Variants in FAAH2 observed in about 807,000 individuals in gnomAD.
FAAH2 encodes the protein fatty-acid amide hydrolase 2.
FAAH2 carries 60 observed loss-of-function variants against 36.9 expected under a neutral mutation model. The ratio of observed to expected loss-of-function variants is 1.63; its 90% CI spans 1.32 to 2.02. The LOEUF (loss-of-function observed/expected upper bound fraction) is 2.02. FAAH2 is among the 30% of genes most tolerant of loss of function. The pLI is 0.00. For missense variants in FAAH2, 689 were observed against 397.5 expected (o/e 1.73, Z -6.23); for synonymous variants, 214 against 143.8 (o/e 1.49, Z -3.49).
At chrX:57,204,859 G>A in the FAAH2 span, among the ~76,000 whole-genome samples, 2 of 112,180 alleles carry the variant, frequency 1.8e-5, no homozygotes, top group South Asian at 3.7e-4. Context: ...TTCTACTGTG[G>A]CATGTCCTTG....
At chrX:57,177,530 G>T in the FAAH2 span, among the ~76,000 whole-genome samples, 1 of 95,452 alleles carries the variant, frequency 1.0e-5, no homozygotes, top group Non-Finnish European at 2.1e-5. Flanking sequence ...GGGTCGGTTC[G>T]GGAGCAACAA....
intron 8 of FAAH2, among the ~76,000 whole-genome samples, chrX:57,440,245 C>T (rs757614378): frequency 4.5e-5 from 5 of 111,500 alleles, no homozygotes; most frequent in African/African-American, 1.3e-4. Context: ...ATGGAATCTT[C>T]TTCTATTTGT....
At chrX:57,435,053 T>A in intron 8 of FAAH2, among the ~76,000 whole-genome samples, 1 of 111,813 alleles carries the variant, frequency 8.9e-6, no homozygotes, top group Non-Finnish European at 1.9e-5. Flanking sequence ...AGAAATAAAG[T>A]CTTTTCCAGA....
chrX:57,395,061 G>T, intron 7 of FAAH2: 1 of 553,662 alleles, frequency 1.8e-6, no homozygotes, highest in South Asian at 2.3e-5. Flanking sequence ...TCCTTTTCAG[G>T]TGCAATAGCA....
intron 8 of FAAH2, among the ~76,000 whole-genome samples, chrX:57,436,092 A>T (rs1366990236): frequency 9.0e-6 from 1 of 111,459 alleles, no homozygotes; most frequent in Non-Finnish European, 1.9e-5. Flanking sequence ...AATACATGGA[A>T]ATCAAACATG....
At chrX:57,329,625 CCACACA>C (rs202211095) in intron 3 of FAAH2, among the ~76,000 whole-genome samples, 2 of 102,084 alleles carry the variant, frequency 2.0e-5, no homozygotes, top group African/African-American at 7.2e-5. Flanking sequence ...AAGACAAGGT[CCACACA>C]CACACACACA....
intron 2 of FAAH2, among the ~76,000 whole-genome samples, chrX:57,301,018 T>A (rs796431610): frequency 9.0e-6 from 1 of 110,998 alleles, no homozygotes; most frequent in Non-Finnish European, 1.9e-5. Flanking sequence ...TTGGTGGGAC[T>A]GTAAACTAGT....
At chrX:57,465,406 T>G (rs1473466413) in intron 10 of FAAH2, among the ~76,000 whole-genome samples, 1 of 111,017 alleles carries the variant, frequency 9.0e-6, no homozygotes, top group African/African-American at 3.3e-5. Flanking sequence ...TGCAAAGATA[T>G]CCACCCTAAA....
chrX:57,408,635 A>G (rs2055625955), intron 7 of FAAH2, among the ~76,000 whole-genome samples: 1 of 110,375 alleles, frequency 9.1e-6, no homozygotes, highest in Non-Finnish European at 1.9e-5. Flanking sequence ...GAACACCTTT[A>G]TCTTATTCCT....
At chrX:57,276,372 C>G in the FAAH2 span, among the ~76,000 whole-genome samples, 1 of 111,655 alleles carries the variant, frequency 9.0e-6, no homozygotes, top group Non-Finnish European at 1.9e-5. Flanking sequence ...TCTCTGAAAC[C>G]AACAAGAACA....
the FAAH2 span, among the ~76,000 whole-genome samples, chrX:57,169,020 G>T: frequency 1.8e-5 from 2 of 111,016 alleles, no homozygotes; most frequent in Non-Finnish European, 3.8e-5. Context: ...TGCCATCAGG[G>T]TTGGTTTCTG....
intron 7 of FAAH2, among the ~76,000 whole-genome samples, chrX:57,405,074 C>T (rs1351373532): frequency 8.9e-6 from 1 of 112,010 alleles, no homozygotes; most frequent in African/African-American, 3.2e-5. Flanking sequence ...CCATGCTAAT[C>T]GTTTTTAACT....
chrX:57,244,000 A>T, the FAAH2 span, among the ~76,000 whole-genome samples: 2 of 109,004 alleles, frequency 1.8e-5, no homozygotes, highest in African/African-American at 6.7e-5. Context: ...AAGAAGCTTG[A>T]AAAAAAGGTT....
At chrX:57,351,873 T>A (rs2054006037) in intron 5 of FAAH2, among the ~76,000 whole-genome samples, 1 of 104,714 alleles carries the variant, frequency 9.5e-6, no homozygotes, top group South Asian at 4.2e-4. Flanking sequence ...TATTCACAGC[T>A]GAATTCTACC....
chrX:57,410,580 A>G (rs768621151), intron 7 of FAAH2, among the ~76,000 whole-genome samples: 1 of 111,941 alleles, frequency 8.9e-6, no homozygotes, highest in African/African-American at 3.2e-5. Context: ...TTGTAATATC[A>G]TCTTGAATAA....
chrX:57,310,687 C>T lies in FAAH2; in HGVS notation c.370C>T (p.Leu124Phe). ...CACCCTGGAAAATAAATGGCCCTTC[C>T]TTGGGGTTCCTTTGACAGTCAAGGA... ...EATLENKWPF[L>F]GVPLTVKEAF... The change falls in exon 3 of 11, where the codon CTT becomes TTT. Residue 124 changes from leucine (L) to phenylalanine (F), a missense_variant. Physicochemically the swap from Leu to Phe is conservative, Grantham distance 22. Transcript: ENST00000374900. 8.3e-7 allele frequency: 1 copy of T among 1,209,024 alleles called. No homozygotes were observed. The highest frequency in any genetic ancestry group is 1.1e-6 in the Non-Finnish European group (1 of 894,332).
intron 8 of FAAH2, among the ~76,000 whole-genome samples, chrX:57,443,670 T>C (rs2056612158): frequency 8.9e-6 from 1 of 112,155 alleles, no homozygotes; most frequent in African/African-American, 3.2e-5. Context: ...GCTGCATTCC[T>C]TTGGAGGAGA....
At chrX:57,474,760 T>G (rs2057234361) in intron 10 of FAAH2, among the ~76,000 whole-genome samples, 2 of 112,153 alleles carry the variant, frequency 1.8e-5, no homozygotes, top group Non-Finnish European at 3.8e-5. Flanking sequence ...TATTTCTGGT[T>G]CTAGATCATT....
the FAAH2 span, among the ~76,000 whole-genome samples, chrX:57,241,060 C>A: frequency 1.8e-5 from 2 of 112,170 alleles, no homozygotes; most frequent in African/African-American, 6.5e-5. Context: ...GAGTCCCATG[C>A]AGGCTGGAGC....
Sources: gnomAD v4.1 joint callset for allele counts (sites outside exome capture counted in the v4.1 genomes callset) on GRCh38, gnomAD v4.1.1 for gene constraint, MANE v1.5 for transcripts, NCBI Gene and HGNC (gene_info 2026-07-23, HGNC 2026-07-21) for gene names.